The following CCND3 variants were observed in gnomAD, a reference collection of about 807,000 sequenced individuals.
CCND3 encodes cyclin D3.
CCND3 carries 9 observed loss-of-function variants against 28.7 expected under a neutral mutation model. The ratio of observed to expected loss-of-function variants is 0.31; its 90% CI spans 0.19 to 0.55. The LOEUF (loss-of-function observed/expected upper bound fraction) is 0.55, where lower values mean the gene tolerates loss of function less well. Ranked by LOEUF, CCND3 falls within the 20% of genes least tolerant of loss-of-function variation. The pLI is 0.93. For missense variants in CCND3, 315 were observed against 385.8 expected (o/e 0.82, Z 1.54); for synonymous variants, 164 against 163.9 (o/e 1.00, Z 0.00).
intron 1 of CCND3, among the ~76,000 whole-genome samples, chr6:41,957,026 G>T (rs547689497): frequency 6.6e-6 from 1 of 152,212 alleles, no homozygotes; most frequent in South Asian, 2.1e-4. Context: ...ATGAGACTCC[G>T]TCTCAAAACA....
intron 1 of CCND3, among the ~76,000 whole-genome samples, chr6:41,972,769 C>A (rs1762069344): frequency 6.6e-6 from 1 of 151,730 alleles, no homozygotes; most frequent in African/African-American, 2.4e-5. Flanking sequence ...GTAATCCTAG[C>A]CCTTTGGAAG....
chr6:42,033,436 C>T (rs1044677057), intron 1 of CCND3, among the ~76,000 whole-genome samples: 2 of 147,138 alleles, frequency 1.4e-5, no homozygotes, highest in African/African-American at 5.1e-5. Context: ...TGTGACAAAG[C>T]GAGACTCCAT....
At position 41,935,023 on chromosome 6, in the gene CCND3, A is replaced by G. The variant is rs1412014411; in HGVS notation, c.*917T>C. On this transcript the variant is annotated 3_prime_UTR_variant, in exon 5 of 5. Transcript: ENST00000372991. ...CCACCAGCCTAAACCTTGCAGCCTT[A>G]GGAAAGACCTGTGTCAACAGGGCTT... 1 of 232,814 alleles carries G rather than the reference A, an allele frequency of 4.3e-6. No individual in the cohort carries two copies. The highest frequency in any genetic ancestry group is 8.5e-6 in the Non-Finnish European group (1 of 117,814). 14.4% of individuals were successfully genotyped at this position (232,814 alleles called of 1,614,324 possible). A position where few individuals can be genotyped will look rare whatever the true frequency, so the allele number is the denominator to read the frequency against.
At chr6:41,963,544 A>G (rs1317077011) in intron 1 of CCND3, among the ~76,000 whole-genome samples, 1 of 152,230 alleles carries the variant, frequency 6.6e-6, no homozygotes, top group Non-Finnish European at 1.5e-5. Context: ...AAGCAGAGGC[A>G]ACAAGTGAAG....
intron 2 of CCND3, 92 bp from the exon 3 acceptor site, chr6:41,937,486 C>T (rs1775844875): frequency 6.7e-7 from 1 of 1,499,400 alleles, no homozygotes; most frequent in Admixed American, 1.9e-5. Context: ...CAGGGAAGCC[C>T]ATCAAACTTT....
intron 1 of CCND3, among the ~76,000 whole-genome samples, chr6:41,964,315 AGTCT>A (rs1761797280): frequency 6.8e-6 from 1 of 147,692 alleles, no homozygotes; most frequent in Non-Finnish European, 1.5e-5. Context: ...AATGTGTGTG[AGTCT>A]GTGTGTGTGA....
rs555412581 is a variant in CCND3, at chr6:41,975,653, G to T, written c.-45-35068C>A. 3.3e-5 allele frequency among the ~76,000 whole-genome samples: 5 copies of T among 152,202 alleles called. No individual in the cohort carries two copies. The East Asian group carries it at 7.7e-4, about 23-fold the overall frequency. On this transcript the variant is annotated intron_variant, in intron 1 of 4. Coordinates refer to the CCND3 transcript ENST00000372988. ...GGAGAATTAAGGGAGGCAGCCAAAG[G>T]GTTCCAGGGACTCACTGGGAGTAGT...
chr6:42,000,239 T>TTTTTTTTTTTTTTTTTTTTTG, intron 1 of CCND3, among the ~76,000 whole-genome samples: 1 of 67,286 alleles, frequency 1.5e-5, no homozygotes, highest in Non-Finnish European at 3.0e-5. Flanking sequence ...ACATACTTTT[T>TTTTTTTTTTTTTTTTTTTTTG]TTTTTTTTTT....
chr6:41,965,523 G>A (rs967196152), intron 1 of CCND3, among the ~76,000 whole-genome samples: 8 of 152,178 alleles, frequency 5.3e-5, no homozygotes, highest in Non-Finnish European at 1.2e-4. Flanking sequence ...CCTTAGCACA[G>A]GCAGCTGTGC....
intron 1 of CCND3, among the ~76,000 whole-genome samples, chr6:42,000,482 C>T (rs1326014122): frequency 4.0e-5 from 6 of 150,728 alleles, no homozygotes; most frequent in Non-Finnish European, 3.0e-5. Context: ...CCTGCCTCGG[C>T]CTCCCAAAGT....
chr6:42,042,220 A>T (rs917017901), intron 1 of CCND3, among the ~76,000 whole-genome samples: 1 of 152,100 alleles, frequency 6.6e-6, no homozygotes, highest in African/African-American at 2.4e-5. Context: ...CACCCCGAGG[A>T]CCTCTATCTG....
chr6:42,024,665 A>G (rs1763819084), intron 1 of CCND3, among the ~76,000 whole-genome samples: 1 of 152,128 alleles, frequency 6.6e-6, no homozygotes, highest in African/African-American at 2.4e-5. Flanking sequence ...TCACGCTTGT[A>G]ATTCCACCAT....
At chr6:42,036,259 C>T (rs1764205081) in intron 1 of CCND3, among the ~76,000 whole-genome samples, 2 of 147,818 alleles carry the variant, frequency 1.4e-5, no homozygotes, top group South Asian at 4.2e-4. Context: ...TCCCAAAGTG[C>T]TGGGATTACA....
chr6:41,989,956 C>T (rs1370345207), intron 1 of CCND3, among the ~76,000 whole-genome samples: 2 of 151,722 alleles, frequency 1.3e-5, no homozygotes, highest in African/African-American at 4.8e-5. Flanking sequence ...ATACCAAAGC[C>T]AGAGCAATTA....
At position 42,048,331 on chromosome 6, in the gene CCND3, C is replaced by T. The variant is rs1764607361; in HGVS notation, c.-46+170G>A. ...TGGGGGTTTCTCTGCCCTTCAATTC[C>T]GTGCAGAACACCTCACTCAGTGGGA... On this transcript the variant is annotated intron_variant, in intron 1 of 4. Coordinates refer to the CCND3 transcript ENST00000372988. The surrounding 1 kb of genome is among the most constrained non-coding windows in gnomAD (Gnocchi z 4.7). 4 of 328,498 alleles carry T rather than the reference C, an allele frequency of 1.2e-5. No individual in the cohort carries two copies. The highest frequency in any genetic ancestry group is 6.9e-5 in the South Asian group (3 of 43,216). The allele number at this position is 328,498 out of a possible 1,614,324, so 20.3% of individuals were successfully genotyped here.
At chr6:41,996,399 C>G (rs928823737) in intron 1 of CCND3, among the ~76,000 whole-genome samples, 2 of 151,862 alleles carry the variant, frequency 1.3e-5, no homozygotes, top group Middle Eastern at 3.4e-3. Flanking sequence ...ATCCGCTCGC[C>G]TCGGCCTCCC....
Position 41,936,612 on chromosome 6 carries a change from T to C in CCND3, c.658A>G (p.Met220Val), listed in dbSNP as rs558523605. The C allele has an allele frequency of 6.2e-7, 1 of 1,614,176 alleles. No homozygotes were observed. Among genetic ancestry groups the C allele is most frequent in the African/African-American group, 1.3e-5 (1 of 75,048 alleles). ...AGCTCTGTGAGCTCATCCCCGGACA[T>C]GGAGCAGGCACCCAGGCCTTGCACT... ...AAVQGLGACS[M>V]SGDELTELLA... Residue 220 changes from methionine to valine, a missense_variant, in exon 4 of 5, where the codon ATG (methionine) becomes GTG (valine). Coordinates refer to ENST00000372991, the MANE Select transcript of CCND3 (RefSeq NM_001760.5). This position sits in a 1 kb window ranked among gnomAD's most constrained non-coding sequence, Gnocchi z 4.4.
intron 1 of CCND3, among the ~76,000 whole-genome samples, chr6:42,024,186 G>A (rs911190435): frequency 6.6e-6 from 1 of 151,894 alleles, no homozygotes; most frequent in Admixed American, 6.6e-5. Context: ...GGTGGATCAC[G>A]AGGTCAGGAG....
At chr6:41,959,674 A>G (rs978437933) in intron 1 of CCND3, among the ~76,000 whole-genome samples, 7 of 147,736 alleles carry the variant, frequency 4.7e-5, no homozygotes, top group Non-Finnish European at 9.0e-5. Flanking sequence ...GCGACACAGC[A>G]AGACTAAATC....
Sources: gnomAD v4.1 joint callset for allele counts (sites outside exome capture counted in the v4.1 genomes callset) on GRCh38, gnomAD v4.1.1 for gene constraint, Gnocchi (gnomAD v3.1) non-coding constraint, MANE v1.5 for transcripts, NCBI Gene and HGNC (gene_info 2026-07-23, HGNC 2026-07-21) for gene names.